PLAGL1: variants seen among roughly 807,000 people sequenced by gnomAD.
PLAGL1 encodes the protein zinc finger protein PLAGL1.
A neutral mutation model predicts 4.6 loss-of-function variants in PLAGL1; 1 was observed. The observed-to-expected ratio is 0.22, with a 90% CI of 0.08 to 1.03. PLAGL1 has a LOEUF of 1.03. Ranked by LOEUF, PLAGL1 falls within the 50% of genes least tolerant of loss-of-function variation. The pLI, the probability that PLAGL1 is intolerant of heterozygous loss-of-function variation, is 0.58. For missense variants in PLAGL1, 464 were observed against 570.4 expected (o/e 0.81, Z 1.90); for synonymous variants, 240 against 237.8 (o/e 1.01, Z -0.08).
At chr6:144,042,851 G>A (rs185549258) in intron 1 of PLAGL1, among the ~76,000 whole-genome samples, 9 of 152,216 alleles carry the variant, frequency 5.9e-5, no homozygotes, top group Non-Finnish European at 1.0e-4. Flanking sequence ...TTATTTTGTT[G>A]AGCAGTGGTT....
Position 143,960,095 on chromosome 6 carries a change from C to T in PLAGL1, c.-325+374G>A, listed in dbSNP as rs954742509. ...GCCACAAAGACAGGACAACCTCTTA[C>T]ACATCTTATGTACACAAGTTAGGAG... On this transcript the variant is annotated intron_variant, in intron 6 of 7. Coordinates refer to ENST00000674357, the MANE Select transcript of PLAGL1 (RefSeq NM_001317162.2). The surrounding 1 kb of genome is among the most constrained non-coding windows in gnomAD (Gnocchi z 5.7). 2.6e-5 allele frequency among the ~76,000 whole-genome samples: 4 copies of T among 152,222 alleles called. No homozygotes were observed. The highest frequency in any genetic ancestry group is 4.4e-5 in the Non-Finnish European group (3 of 68,044).
chr6:144,014,756 T>C (rs967287633), intron 1 of PLAGL1, among the ~76,000 whole-genome samples: 2 of 152,022 alleles, frequency 1.3e-5, no homozygotes, highest in Non-Finnish European at 2.9e-5. Flanking sequence ...ATTTTTGTAT[T>C]TTTAGTAGAG....
rs1043837484 is a variant in PLAGL1 at position 144,055,281 on chromosome 6, T to A, written c.-151+9187A>T. Among the ~76,000 whole-genome samples the A allele has an allele frequency of 5.3e-5, 8 of 152,136 alleles. No homozygotes were observed. Among genetic ancestry groups the A allele is most frequent in the African/African-American group, 1.7e-4 (7 of 41,400 alleles). On this transcript the variant is annotated intron_variant, in intron 1 of 3. Coordinates refer to the PLAGL1 transcript ENST00000437412. The surrounding 1 kb of genome is among the most constrained non-coding windows in gnomAD (Gnocchi z 5.0). The stretch of plus-strand genomic sequence containing the variant: ...GAGTGCTTAGTTCAACACTTTCATT[T>A]TACATATAAGGAAGCAGACTCAAAG...
In PLAGL1 at chr6:144,004,545, C is replaced by T. The variant is rs2128668605; in HGVS notation, c.-584+3545G>A. On this transcript the variant is annotated intron_variant, in intron 1 of 7. Transcript: ENST00000674357. The surrounding 1 kb of genome is among the most constrained non-coding windows in gnomAD (Gnocchi z 4.2). ...AGTTTAAAAACATTTGAAAATAATA[C>T]ATGGTCATAGAAATCGGGACAGTAG... Among the ~76,000 whole-genome samples, 1 of 152,246 alleles carries T rather than the reference C, an allele frequency of 6.6e-6. No individual in the cohort carries two copies. Among genetic ancestry groups the T allele is most frequent in the African/African-American group, 2.4e-5 (1 of 41,534 alleles).
chr6:144,034,926 C>T lies in PLAGL1; in HGVS notation c.-151+29542G>A, dbSNP rs1422871162. 2.0e-5 allele frequency among the ~76,000 whole-genome samples: 3 copies of T among 151,934 alleles called. No homozygotes were observed. Among genetic ancestry groups the T allele is most frequent in the African/African-American group, 7.3e-5 (3 of 41,366 alleles). ...ACAGCTGAAGGCTTTCAGGTTTGGA[C>T]AAAAATCTTTGAGTATTAACTTGGA... On this transcript the variant is annotated intron_variant, in intron 1 of 3. Transcript: ENST00000437412. This position sits in a 1 kb window ranked among gnomAD's most constrained non-coding sequence, Gnocchi z 4.7.
At position 144,063,432 on chromosome 6, in the gene PLAGL1, T is replaced by C. The variant is rs557319091; in HGVS notation, c.-151+1036A>G. Among the ~76,000 whole-genome samples, 97 of 152,312 alleles carry C rather than the reference T, an allele frequency of 6.4e-4. No individual in the cohort carries two copies. Among genetic ancestry groups the C allele is most frequent in the African/African-American group, 2.3e-3 (96 of 41,580 alleles). On this transcript the variant is annotated intron_variant, in intron 1 of 3. Coordinates refer to the PLAGL1 transcript ENST00000437412. The surrounding 1 kb of genome is among the most constrained non-coding windows in gnomAD (Gnocchi z 5.7). ...CACGCCAGGGCTTTATCCCCTCACG[T>C]GATTCAGGACATCTGGGGTGGGCCC...
intron 1 of PLAGL1, among the ~76,000 whole-genome samples, chr6:144,026,368 A>G (rs1477864037): frequency 6.6e-6 from 1 of 152,234 alleles, no homozygotes; most frequent in East Asian, 1.9e-4. Context: ...ACTGTTTTCT[A>G]TGGTTTATAC....
rs140672334 is a variant in PLAGL1, at chr6:144,036,073, A to G, written c.-151+28395T>C. 1.7e-4 allele frequency among the ~76,000 whole-genome samples: 26 copies of G among 152,120 alleles called. No homozygotes were observed. The highest frequency in any genetic ancestry group is 7.2e-5 in the African/African-American group (3 of 41,432). On this transcript the variant is annotated intron_variant, in intron 1 of 3. Coordinates refer to the PLAGL1 transcript ENST00000437412. This position sits in a 1 kb window ranked among gnomAD's most constrained non-coding sequence, Gnocchi z 5.1. The stretch of plus-strand genomic sequence containing the variant: ...TCAATGCAGGACTCCAACCCCAAGA[A>G]AGTGCTTCAAGGACACCCCAGGTGG...
rs1272021726 is a variant in PLAGL1, at chr6:144,063,035, T to C, written c.-151+1433A>G. Among the ~76,000 whole-genome samples, 1 of 152,224 alleles carries C rather than the reference T, an allele frequency of 6.6e-6. No individual in the cohort carries two copies. Among genetic ancestry groups the C allele is most frequent in the Non-Finnish European group, 1.5e-5 (1 of 68,040 alleles). ...ACTTTTCATCCTGCTGACAATTTTCTGAGTTACAGTTTACACCAACGTTGT... is the reference window on the plus strand; with the variant it reads ...ACTTTTCATCCTGCTGACAATTTTCCGAGTTACAGTTTACACCAACGTTGT... On this transcript the variant is annotated intron_variant, in intron 1 of 3. Coordinates refer to the PLAGL1 transcript ENST00000437412. The surrounding 1 kb of genome is among the most constrained non-coding windows in gnomAD (Gnocchi z 5.7).
At chr6:144,024,998 T>C (rs1352699255) in intron 1 of PLAGL1, among the ~76,000 whole-genome samples, 3 of 152,178 alleles carry the variant, frequency 2.0e-5, no homozygotes, top group Non-Finnish European at 4.4e-5. Context: ...CCCCATTCCT[T>C]AAGCATAGGC....
chr6:144,012,811 C>T (rs909916153), upstream of PLAGL1, among the ~76,000 whole-genome samples: 1 of 152,126 alleles, frequency 6.6e-6, no homozygotes, highest in East Asian at 1.9e-4. The surrounding 1 kb of genome is among the most constrained non-coding windows in gnomAD (Gnocchi z 4.8). Context: ...AAACTCAAAT[C>T]TCTACAAAGT....
chr6:143,974,447 C>A (rs558995840), intron 2 of PLAGL1, among the ~76,000 whole-genome samples: 12 of 151,906 alleles, frequency 7.9e-5, no homozygotes, highest in Non-Finnish European at 1.3e-4. Flanking sequence ...CAATTACTCA[C>A]CTTGGACTGT....
At position 143,945,568 on chromosome 6, in the gene PLAGL1, C is replaced by T. The variant is rs572738849; in HGVS notation, c.152+2417G>A. 2.0e-5 allele frequency among the ~76,000 whole-genome samples: 3 copies of T among 152,254 alleles called. No homozygotes were observed. Among genetic ancestry groups the T allele is most frequent in the African/African-American group, 7.2e-5 (3 of 41,532 alleles). ...TCAGCTCACTGCAACCTCTGCCTCC[C>T]GGGTTCAAGTGATCCTCCTACCTCA... On this transcript the variant is annotated intron_variant, in intron 7 of 7. Transcript: ENST00000674357. This position sits in a 1 kb window ranked among gnomAD's most constrained non-coding sequence, Gnocchi z 4.2.
chr6:143,982,948 T>C lies in PLAGL1; in HGVS notation c.-544+2187A>G, dbSNP rs964571274. Among the ~76,000 whole-genome samples, 2 of 152,174 alleles carry C rather than the reference T, an allele frequency of 1.3e-5. No individual in the cohort carries two copies. Among genetic ancestry groups the C allele is most frequent in the Admixed American group, 1.3e-4 (2 of 15,272 alleles). On this transcript the variant is annotated intron_variant, in intron 2 of 7. Transcript: ENST00000674357. This position sits in a 1 kb window ranked among gnomAD's most constrained non-coding sequence, Gnocchi z 5.3. ...TGGAGTTTAGAGAAGAGGTCCATAC[T>C]GGAGACAATTTAGTAGCTGCCAGCA...
At position 144,013,931 on chromosome 6, in the gene PLAGL1, C is replaced by T. The variant is rs528873929; in HGVS notation, c.-150-44953G>A. On this transcript the variant is annotated intron_variant, in intron 1 of 3. Transcript: ENST00000437412. This position sits in a 1 kb window ranked among gnomAD's most constrained non-coding sequence, Gnocchi z 4.4. Reference sequence around the variant, plus strand: ...CCAGAGATTAGGACACAAATATTTTCGAGGGTCATCAGTCAGTCCTCATGT... The same window carrying T: ...CCAGAGATTAGGACACAAATATTTTTGAGGGTCATCAGTCAGTCCTCATGT... Among the ~76,000 whole-genome samples the T allele has an allele frequency of 3.5e-4, 54 of 152,186 alleles. No individual in the cohort carries two copies. The highest frequency in any genetic ancestry group is 1.2e-3 in the African/African-American group (50 of 41,500).
intron 2 of PLAGL1, among the ~76,000 whole-genome samples, chr6:143,977,470 C>CTTTTTTTTTTTTTT (rs34750629): frequency 5.8e-5 from 4 of 69,338 alleles, no homozygotes; most frequent in South Asian, 7.2e-4. Context: ...TCTTCTTCTT[C>CTTTTTTTTTTTTTT]TTTTTTTTTT....
rs1239288318 is a variant in PLAGL1 at position 143,957,536 on chromosome 6, T to C, written c.-325+2933A>G. 6.6e-6 allele frequency among the ~76,000 whole-genome samples: 1 copy of C among 152,322 alleles called. No individual in the cohort carries two copies. The highest frequency in any genetic ancestry group is 1.9e-4 in the East Asian group (1 of 5,178). On this transcript the variant is annotated intron_variant, in intron 6 of 7. Transcript: ENST00000674357. This position sits in a 1 kb window ranked among gnomAD's most constrained non-coding sequence, Gnocchi z 4.2. Reference sequence around the variant, plus strand: ...TCCTGGGACTCTTAAGTGTAGGACATGGAGGAACCAGAACTCTAATTAGCA... The same window carrying C: ...TCCTGGGACTCTTAAGTGTAGGACACGGAGGAACCAGAACTCTAATTAGCA...
chr6:144,031,581 T>A lies in PLAGL1; in HGVS notation c.-151+32887A>T, dbSNP rs368397987. ...TCTCATACATGTGGCTTGCAAATTA[T>A]CCCAGCACCATTTGTTGAATAGGGT... On this transcript the variant is annotated intron_variant, in intron 1 of 3. Coordinates refer to the PLAGL1 transcript ENST00000437412. Among the ~76,000 whole-genome samples the A allele has an allele frequency of 8.5e-5, 13 of 152,318 alleles. No individual in the cohort carries two copies. In the East Asian group the frequency reaches 2.5e-3, roughly 29 times the overall value.
chr6:144,042,806 G>C (rs1178099022), intron 1 of PLAGL1, among the ~76,000 whole-genome samples: 3 of 152,200 alleles, frequency 2.0e-5, no homozygotes, highest in Non-Finnish European at 4.4e-5. Context: ...CTACCCATGA[G>C]CATGGAATGT....
Sources: allele counts gnomAD v4.1 joint callset (sites outside exome capture counted in the v4.1 genomes callset), GRCh38; gene constraint gnomAD v4.1.1; non-coding constraint Gnocchi (gnomAD v3.1); transcripts MANE v1.5; gene names NCBI Gene and HGNC (gene_info 2026-07-23, HGNC 2026-07-21).